The following HHAT variants were observed in gnomAD, a reference collection of about 807,000 sequenced individuals.
HHAT encodes the protein hedgehog acyltransferase.
HHAT carries 47 observed loss-of-function variants against 70.8 expected under a neutral mutation model. The ratio of observed to expected loss-of-function variants is 0.66; its 90% CI spans 0.53 to 0.85. The LOEUF is 0.85. Ranked by LOEUF, HHAT falls within the 40% of genes least tolerant of loss-of-function variation. The probability of loss-of-function intolerance (pLI) is 0.00; values close to 1 mark genes in which losing one functional copy is unlikely to be tolerated. For synonymous variants in HHAT, 228 were observed against 247.6 expected (o/e 0.92, Z 0.74); for missense variants, 609 against 604.8 (o/e 1.01, Z -0.07).
rs869305965 is a variant in HHAT at position 210,386,230 on chromosome 1, CTTTTTTTTT to C, written c.160-1220_160-1212del. ...ATTGCAGGAGTCCTTTTCTTTTTTTCTTTTTTTTTTTTTTTTTTTTTTTTTTGAGACAGA... is the reference window on the plus strand; with the variant it reads ...ATTGCAGGAGTCCTTTTCTTTTTTTCTTTTTTTTTTTTTTTTTGAGACAGA... On this transcript the variant is annotated intron_variant, in intron 3 of 11. Transcript: ENST00000261458. Among the ~76,000 whole-genome samples, 14 of 69,922 alleles carry C rather than the reference CTTTTTTTTT, an allele frequency of 2.0e-4. 1 individual carries two copies. The highest frequency in any genetic ancestry group is 8.9e-4 in the Admixed American group (5 of 5,646). The allele number at this position is 69,922 out of a possible 152,430, so 45.9% of individuals were successfully genotyped here.
chr1:210,451,144 C>T (rs1335575814), intron 7 of HHAT, among the ~76,000 whole-genome samples: 5 of 149,924 alleles, frequency 3.3e-5, no homozygotes, highest in African/African-American at 7.4e-5. Flanking sequence ...GTATTTTTAG[C>T]AGAACTCTGC....
At chr1:210,520,245 G>C (rs1572997829) in intron 9 of HHAT, among the ~76,000 whole-genome samples, 1 of 152,052 alleles carries the variant, frequency 6.6e-6, no homozygotes, top group African/African-American at 2.4e-5. Flanking sequence ...TCGAACTCCT[G>C]ACCTCGTGAT....
intron 11 of HHAT, among the ~76,000 whole-genome samples, chr1:210,669,434 T>C (rs1679637228): frequency 6.6e-6 from 1 of 152,250 alleles, no homozygotes; most frequent in Admixed American, 6.5e-5. Flanking sequence ...AATGTCATGA[T>C]ACAACCACCT....
chr1:210,484,388 A>G (rs890022743), intron 8 of HHAT, among the ~76,000 whole-genome samples: 9 of 152,264 alleles, frequency 5.9e-5, no homozygotes, highest in Admixed American at 5.9e-4. Context: ...TTGTCAGGGT[A>G]TGTCATCTGG....
chr1:210,623,721 T>C, intron 11 of HHAT, 51 bp downstream of exon 11: 1 of 1,581,190 alleles, frequency 6.3e-7, no homozygotes, highest in Non-Finnish European at 8.7e-7. Flanking sequence ...TTTCCATGTA[T>C]GCGGATGGGA....
chr1:210,621,814 A>G (rs1668883265), intron 10 of HHAT, among the ~76,000 whole-genome samples: 1 of 152,222 alleles, frequency 6.6e-6, no homozygotes. Flanking sequence ...GCATTCCAGA[A>G]CAACCATGAT....
chr1:210,662,104 T>G (rs1407512661), intron 11 of HHAT, among the ~76,000 whole-genome samples: 2 of 152,252 alleles, frequency 1.3e-5, no homozygotes, highest in Non-Finnish European at 2.9e-5. Context: ...TTGGAAATCC[T>G]GTCTCTGTTA....
intron 2 of HHAT, among the ~76,000 whole-genome samples, chr1:210,358,496 G>A (rs1326267156): frequency 6.6e-6 from 1 of 152,222 alleles, no homozygotes; most frequent in African/African-American, 2.4e-5. Context: ...GGCCTCCAGA[G>A]TGTCATGAAA....
chr1:210,528,944 C>A (rs776732020), intron 9 of HHAT, among the ~76,000 whole-genome samples: 1 of 152,126 alleles, frequency 6.6e-6, no homozygotes, highest in Non-Finnish European at 1.5e-5. Flanking sequence ...AGCCTTGGAA[C>A]CTTGGGGATA....
intron 4 of HHAT, 32 bp from the exon 5 acceptor site, chr1:210,400,436 G>T: frequency 6.4e-7 from 1 of 1,563,290 alleles, no homozygotes; most frequent in Non-Finnish European, 8.7e-7. Flanking sequence ...CTTCCTCCCT[G>T]TCTCTCTCTG....
At chr1:210,354,195 C>CTTTTTTTTT (rs71146220) in intron 2 of HHAT, among the ~76,000 whole-genome samples, 1 of 102,614 alleles carries the variant, frequency 9.7e-6, no homozygotes, top group African/African-American at 4.2e-5. Flanking sequence ...AACATAATGT[C>CTTTTTTTTT]TTTTTTTTTT....
chr1:210,491,816 G>A (rs1255790717), intron 8 of HHAT, among the ~76,000 whole-genome samples: 3 of 152,146 alleles, frequency 2.0e-5, no homozygotes, highest in East Asian at 3.9e-4. Context: ...AGGGTGGAGT[G>A]CAGTGGCCCG....
At chr1:210,672,447 T>C (rs1680281541) in intron 11 of HHAT, among the ~76,000 whole-genome samples, 1 of 152,212 alleles carries the variant, frequency 6.6e-6, no homozygotes, top group African/African-American at 2.4e-5. Flanking sequence ...CTGGGCCCTG[T>C]CCCTTCCCAT....
At chr1:210,622,590 A>T (rs1669054057) in intron 10 of HHAT, among the ~76,000 whole-genome samples, 2 of 152,200 alleles carry the variant, frequency 1.3e-5, no homozygotes, top group Non-Finnish European at 2.9e-5. Flanking sequence ...CTTTATTGTG[A>T]TGCTGTAAAA....
intron 9 of HHAT, among the ~76,000 whole-genome samples, chr1:210,531,745 A>G (rs991519601): frequency 3.9e-5 from 6 of 152,356 alleles, no homozygotes; most frequent in South Asian, 2.1e-4. Flanking sequence ...CACAGGGTCT[A>G]AAACTTAGTA....
At chr1:210,477,744 G>A (rs2094326673) in intron 8 of HHAT, among the ~76,000 whole-genome samples, 1 of 152,158 alleles carries the variant, frequency 6.6e-6, no homozygotes, top group African/African-American at 2.4e-5. Flanking sequence ...TGATTAGTGA[G>A]TGATTGCGAG....
At chr1:210,660,938 G>A (rs767012728) in intron 11 of HHAT, among the ~76,000 whole-genome samples, 6 of 152,118 alleles carry the variant, frequency 3.9e-5, no homozygotes, top group Non-Finnish European at 8.8e-5. Flanking sequence ...TGACTTAACT[G>A]TTAGACCCAA....
intron 9 of HHAT, among the ~76,000 whole-genome samples, chr1:210,529,765 T>G (rs2095294068): frequency 6.6e-6 from 1 of 152,202 alleles, no homozygotes; most frequent in Non-Finnish European, 1.5e-5. Context: ...AGGCGTCTGC[T>G]GTACATGCCA....
In HHAT at chr1:210,449,893, G is replaced by A. The variant is rs982766875; in HGVS notation, c.857-14612G>A. ...AATGTTGGGTGCCAGGTGCTGTGTC[G>A]GGCCACAGGGACAGAGAGGAAGTGG... On this transcript the variant is annotated intron_variant, in intron 7 of 11. Coordinates refer to ENST00000261458, the MANE Select transcript of HHAT (RefSeq NM_018194.6). Among the ~76,000 whole-genome samples the A allele has an allele frequency of 2.8e-5, 4 of 144,704 alleles. No homozygotes were observed. The South Asian group carries it at 7.3e-4, about 26-fold the overall frequency. The allele number at this position is 144,704 out of a possible 152,430, so 94.9% of individuals were successfully genotyped here. A position where few individuals can be genotyped will look rare whatever the true frequency, so the allele number is the denominator to read the frequency against.
Sources: gnomAD v4.1 joint callset for allele counts (sites outside exome capture counted in the v4.1 genomes callset) on GRCh38, gnomAD v4.1.1 for gene constraint, MANE v1.5 for transcripts, NCBI Gene and HGNC (gene_info 2026-07-23, HGNC 2026-07-21) for gene names.